FRMD1: variants seen among roughly 807,000 people sequenced by gnomAD.
The protein encoded by FRMD1 is FERM domain containing 1, also known as FERM domain-containing protein 1.
Under a neutral mutation model 54.9 loss-of-function variants are expected in FRMD1, and 51 were observed. The ratio of observed to expected loss-of-function variants is 0.93; its 90% confidence interval spans 0.74 to 1.17. FRMD1 has a LOEUF of 1.17. Among genes scored for constraint, FRMD1 ranks in the 50% most tolerant of loss-of-function variants. The pLI, the probability that FRMD1 is intolerant of heterozygous loss-of-function variation, is 0.00. For missense variants in FRMD1, 729 were observed against 743.0 expected (o/e 0.98, Z 0.22); for synonymous variants, 324 against 306.4 (o/e 1.06, Z -0.60).
At chr6:168,087,769 G>A (rs1800946131) in intron 1 of FRMD1, among the ~76,000 whole-genome samples, 1 of 152,222 alleles carries the variant, frequency 6.6e-6, no homozygotes, top group African/African-American at 2.4e-5. Flanking sequence ...GGCTGAAGCA[G>A]GACCCATTCC....
chr6:168,078,947 C>T lies in FRMD1; in HGVS notation c.148G>A (p.Ala50Thr), dbSNP rs1426300225. 1.9e-6 allele frequency: 3 copies of T among 1,610,272 alleles called. No individual in the cohort carries two copies. The highest frequency in any genetic ancestry group is 2.2e-5 in the East Asian group (1 of 44,850). The part of the protein sequence containing the change: ...QEPTLGMDAM[A>T]SEHRDVLVLL... ...ACGAGGACATCCCTGTGTTCCGAGG[C>T]CATCGCGTCCATTCCCAGGGTCGGC... Residue 50 changes from alanine (A) to threonine (T), a missense_variant, in exon 1 of 11, where the codon GCC becomes ACC. Coordinates refer to ENST00000283309, the MANE Select transcript of FRMD1 (RefSeq NM_024919.6).
In FRMD1 at chr6:168,079,101, G is replaced by C; in HGVS notation, c.-7C>G. The stretch of plus-strand genomic sequence containing the variant: ...CTCTCGGGGGCACCGCCATGCTGTC[G>C]TTACTCGGCCCTCCCCCGCCATGGG... On this transcript the variant is annotated 5_prime_UTR_variant, in exon 1 of 11. Coordinates refer to ENST00000283309, the MANE Select transcript of FRMD1 (RefSeq NM_024919.6). 6.3e-7 allele frequency: 1 copy of C among 1,591,754 alleles called. No individual in the cohort carries two copies. The highest frequency in any genetic ancestry group is 8.5e-7 in the Non-Finnish European group (1 of 1,172,726).
At chr6:168,061,703 C>A in intron 8 of FRMD1, 104 bp downstream of exon 8, 3 of 1,252,716 alleles carry the variant, frequency 2.4e-6, no homozygotes, top group Non-Finnish European at 2.2e-6. Flanking sequence ...GAGGCCACAA[C>A]AATAAGAGAC....
At chr6:168,092,721 A>G (rs902582202) in intron 1 of FRMD1, among the ~76,000 whole-genome samples, 1 of 152,204 alleles carries the variant, frequency 6.6e-6, no homozygotes. Context: ...TCTGTTGTTT[A>G]AGCTCCTGGT....
chr6:168,065,989 C>A (rs1377081104), intron 4 of FRMD1: 1 of 1,000,246 alleles, frequency 1.0e-6, no homozygotes, highest in African/African-American at 1.7e-5. Context: ...CTGGAAGAAG[C>A]AGCCCCCGTT....
At chr6:168,082,543 A>C (rs751538941), upstream of FRMD1, among the ~76,000 whole-genome samples, 1 of 152,134 alleles carries the variant, frequency 6.6e-6, no homozygotes, top group East Asian at 1.9e-4. Flanking sequence ...CTCTCCTTGC[A>C]TGTTTTCCCA....
Position 168,055,943 on chromosome 6 carries a change from C to G in FRMD1, c.*1154G>C, listed in dbSNP as rs1799382539. On this transcript the variant is annotated 3_prime_UTR_variant, in exon 11 of 11. Transcript: ENST00000283309. ...CAGCCCTGCACCAGGCCATGGGGCT[C>G]AAGCTCATGCTTGTCTCCAGTGAGC... 1 of 152,292 alleles carries G rather than the reference C, an allele frequency of 6.6e-6. No individual in the cohort carries two copies. Among genetic ancestry groups the G allele is most frequent in the African/African-American group, 2.4e-5 (1 of 41,472 alleles). 9.4% of individuals were successfully genotyped at this position (152,292 alleles called of 1,614,324 possible).
At chr6:168,085,919 G>A (rs1800910550), upstream of FRMD1, among the ~76,000 whole-genome samples, 1 of 152,252 alleles carries the variant, frequency 6.6e-6, no homozygotes, top group Non-Finnish European at 1.5e-5. Flanking sequence ...CAGGACTAGG[G>A]CAGAACTTCT....
chr6:168,081,098 C>T (rs958346380), upstream of FRMD1, among the ~76,000 whole-genome samples: 10 of 152,286 alleles, frequency 6.6e-5, no homozygotes, highest in Admixed American at 6.5e-4. Flanking sequence ...TTCAGACCTC[C>T]AGTGAAGGCC....
At chr6:168,090,728 C>T (rs996386776) in intron 1 of FRMD1, among the ~76,000 whole-genome samples, 11 of 152,242 alleles carry the variant, frequency 7.2e-5, no homozygotes, top group Admixed American at 6.5e-5. Context: ...AGTTCTTGGC[C>T]ATGGCGCGTG....
chr6:168,075,637 C>T, intron 1 of FRMD1: 1 of 899,264 alleles, frequency 1.1e-6, no homozygotes, highest in Non-Finnish European at 1.8e-6. Flanking sequence ...CAGTCAGGGA[C>T]ACACGATGCA....
chr6:168,078,799 C>CCTGCTAACTCCCATGGCT (rs1800726864), intron 1 of FRMD1, 83 bp downstream of exon 1: 2 of 1,142,076 alleles, frequency 1.8e-6, no homozygotes, highest in Non-Finnish European at 2.3e-6. Flanking sequence ...CACCCAGGGC[C>CCTGCTAACTCCCATGGCT]CTGCTCACCC....
intron 9 of FRMD1, among the ~76,000 whole-genome samples, chr6:168,060,319 G>A (rs1799654281): frequency 8.2e-6 from 1 of 122,592 alleles, no homozygotes; most frequent in South Asian, 2.9e-4. Context: ...TTGTTGGGGG[G>A]CTTCCCGGGA....
At position 168,075,884 on chromosome 6, in the gene FRMD1, TTTCC is replaced by T. The variant is rs2115012456; in HGVS notation, c.214-553_214-550del. On this transcript the variant is annotated intron_variant, in intron 1 of 10. Transcript: ENST00000283309. ...ACATTTCCGGTGCCCGGTGTCCACATTTCCGGCGTCCCGTGTCCACATTTCCGGT... is the reference window on the plus strand; with the variant it reads ...ACATTTCCGGTGCCCGGTGTCCACATGGCGTCCCGTGTCCACATTTCCGGT... 7.3e-4 allele frequency: 360 copies of T among 494,106 alleles called. 100 individuals carry two copies. The highest frequency in any genetic ancestry group is 1.5e-3 in the East Asian group (20 of 13,572). The allele number at this position is 494,106 out of a possible 1,614,324, so 30.6% of individuals were successfully genotyped here. A position where few individuals can be genotyped will look rare whatever the true frequency, so the allele number is the denominator to read the frequency against.
chr6:168,066,446 C>G (rs1287571546), intron 4 of FRMD1: 1 of 706,814 alleles, frequency 1.4e-6, no homozygotes, highest in Admixed American at 4.9e-5. Context: ...TGCAGTGAGT[C>G]GAGATTGTGC....
In FRMD1 at chr6:168,078,885, C is replaced by A; in HGVS notation, c.210G>T (p.Val70=). The A allele has an allele frequency of 1.9e-6, 3 of 1,584,538 alleles. No homozygotes were observed. Among genetic ancestry groups the A allele is most frequent in the Non-Finnish European group, 2.6e-6 (3 of 1,168,726 alleles). Residue 70 remains valine (V), a synonymous_variant, in exon 1 of 11, where the codon GTG becomes GTT. Transcript: ENST00000283309. The stretch of plus-strand genomic sequence containing the variant: ...GGCCACCCAGGGCCCTGCTCACCCC[C>A]ACGGCCAGCCGCAGTTGCTCCCGGC... ...LPSREQLRLA[V]GVKATGRELF...
chr6:168,088,109 G>T (rs575774126), intron 1 of FRMD1, among the ~76,000 whole-genome samples: 1 of 152,332 alleles, frequency 6.6e-6, no homozygotes, highest in South Asian at 2.1e-4. Flanking sequence ...TGGGGGTTAG[G>T]GCGCTCTTCG....
At chr6:168,075,778 G>A (rs375197177) in intron 1 of FRMD1, 61 of 1,550,676 alleles carry the variant, frequency 3.9e-5, no homozygotes, top group Non-Finnish European at 5.2e-5. Context: ...TCCCAACAGT[G>A]TTCCTACAGC....
At chr6:168,065,425 A>T in intron 4 of FRMD1, 1 of 1,027,718 alleles carries the variant, frequency 9.7e-7, no homozygotes. Context: ...GGACAACTTG[A>T]ATCCCTGGAT....
Sources: gnomAD v4.1 joint callset for allele counts (sites outside exome capture counted in the v4.1 genomes callset) on GRCh38, gnomAD v4.1.1 for gene constraint, MANE v1.5 for transcripts, NCBI Gene and HGNC (gene_info 2026-07-23, HGNC 2026-07-21) for gene names.